The following SDK1 variants were observed in gnomAD, a reference collection of about 807,000 sequenced individuals.
The protein encoded by SDK1 is protein sidekick-1.
Under a neutral mutation model 245.5 loss-of-function variants are expected in SDK1, and 157 were observed. The observed-to-expected ratio is 0.64, with a 90% CI of 0.56 to 0.73. The LOEUF is 0.73. Ranked by LOEUF, SDK1 falls within the 30% of genes least tolerant of loss-of-function variation. The pLI is 0.00. For missense variants in SDK1, 3,583 were observed against 3,002.3 expected, an observed-to-expected ratio of 1.19 and a Z score of -4.52; for synonymous variants, 1,647 against 1,278.5, an observed-to-expected ratio of 1.29 and a Z score of -6.15.
chr7:3,768,513 C>T (rs576124708), intron 4 of SDK1, among the ~76,000 whole-genome samples: 2 of 152,200 alleles, frequency 1.3e-5, no homozygotes, highest in African/African-American at 4.8e-5. Context: ...AGCAGCAGTT[C>T]CTGAGACTGT....
rs143572104 is a variant in SDK1 at position 3,750,484 on chromosome 7, G to C, written c.714-70966G>C. Among the ~76,000 whole-genome samples the C allele has an allele frequency of 2.2e-4, 33 of 152,274 alleles. No individual in the cohort carries two copies. In the East Asian group the frequency reaches 6.2e-3, roughly 28 times the overall value. ...ACTTTATTTAGGACCATTGCAATAG[G>C]TATAGGAACAGCGGGATTTTGCAGT... On this transcript the variant is annotated intron_variant, in intron 4 of 44. Coordinates refer to ENST00000404826, the MANE Select transcript of SDK1 (RefSeq NM_152744.4).
Position 3,637,526 on chromosome 7 carries a change from G to A in SDK1, c.459-1478G>A, listed in dbSNP as rs186233873. Among the ~76,000 whole-genome samples the A allele has an allele frequency of 3.7e-3, 565 of 152,338 alleles. 6 individuals carry two copies. Among genetic ancestry groups the A allele is most frequent in the African/African-American group, 0.013 (528 of 41,580 alleles). On this transcript the variant is annotated intron_variant, in intron 2 of 44. Coordinates refer to ENST00000404826, the MANE Select transcript of SDK1 (RefSeq NM_152744.4). ...GGCAGCTTAGAAGTTGTGGGCTCCG[G>A]AGTTGTAAGACGCATTTCGAGTGGC...
chr7:3,446,000 C>T (rs1390060887), intron 1 of SDK1, among the ~76,000 whole-genome samples: 1 of 151,880 alleles, frequency 6.6e-6, no homozygotes, highest in Non-Finnish European at 1.5e-5. Context: ...TCTTCATTTG[C>T]CAAGGATAAT....
At chr7:3,532,186 C>G (rs1783370201) in intron 1 of SDK1, among the ~76,000 whole-genome samples, 1 of 152,172 alleles carries the variant, frequency 6.6e-6, no homozygotes, top group Non-Finnish European at 1.5e-5. Context: ...TTTCCACCTC[C>G]AGTACCTCTT....
intron 4 of SDK1, among the ~76,000 whole-genome samples, chr7:3,806,904 T>A (rs1168675868): frequency 6.6e-6 from 1 of 152,118 alleles, no homozygotes; most frequent in Non-Finnish European, 1.5e-5. Flanking sequence ...TTACCTAAAT[T>A]TGCTTCCTGC....
chr7:3,321,754 C>CCTCCCTCT (rs1307695978), intron 1 of SDK1, among the ~76,000 whole-genome samples: 2 of 93,128 alleles, frequency 2.1e-5, no homozygotes, highest in African/African-American at 9.0e-5. Flanking sequence ...CCCTCCTTCC[C>CCTCCCTCT]CTCCCTCCCT....
intron 1 of SDK1, among the ~76,000 whole-genome samples, chr7:3,339,556 A>C (rs1780290337): frequency 6.6e-6 from 1 of 152,158 alleles, no homozygotes; most frequent in Non-Finnish European, 1.5e-5. Context: ...AAAGGATTGA[A>C]ATCCTACAGA....
At chr7:4,005,197 C>T (rs1785377235) in intron 14 of SDK1, among the ~76,000 whole-genome samples, 1 of 151,746 alleles carries the variant, frequency 6.6e-6, no homozygotes, top group Non-Finnish European at 1.5e-5. Context: ...AGGTGCATGA[C>T]ACCACGCCTG....
chr7:4,058,738 C>G (rs1779354988), intron 19 of SDK1, among the ~76,000 whole-genome samples: 1 of 152,114 alleles, frequency 6.6e-6, no homozygotes, highest in South Asian at 2.1e-4. Context: ...GCCAAGAGTA[C>G]TATATGCATA....
chr7:3,455,642 A>T (rs1158697907), intron 1 of SDK1, among the ~76,000 whole-genome samples: 2 of 151,152 alleles, frequency 1.3e-5, no homozygotes, highest in African/African-American at 4.9e-5. Flanking sequence ...GATCTGTGTG[A>T]CTCTTCCTCC....
intron 2 of SDK1, among the ~76,000 whole-genome samples, chr7:3,620,447 C>T (rs184687724): frequency 7.2e-5 from 11 of 152,130 alleles, no homozygotes; most frequent in African/African-American, 1.9e-4. Context: ...GTTCTACAGG[C>T]GTGAGCCACC....
rs181509594 is a variant in SDK1 at position 4,197,634 on chromosome 7, G to A, written c.5099-8245G>A. Among the ~76,000 whole-genome samples the A allele has an allele frequency of 4.7e-4, 71 of 152,352 alleles. 1 individual carries two copies. The South Asian group carries it at 0.011, about 24-fold the overall frequency. On this transcript the variant is annotated intron_variant, in intron 35 of 44. Transcript: ENST00000404826. ...CTTCTGTGATGGTGTACAGGGGAGCGGAATGCCTGGTGCTGGCGTCAGGCT... is the reference window on the plus strand; with the variant it reads ...CTTCTGTGATGGTGTACAGGGGAGCAGAATGCCTGGTGCTGGCGTCAGGCT...
intron 5 of SDK1, among the ~76,000 whole-genome samples, chr7:3,856,311 A>G (rs1008474505): frequency 3.9e-5 from 6 of 152,076 alleles, no homozygotes; most frequent in Admixed American, 3.9e-4. Context: ...GATCAAGAAA[A>G]TATATGAAAA....
intron 5 of SDK1, among the ~76,000 whole-genome samples, chr7:3,912,582 A>G (rs1409831750): frequency 1.3e-5 from 2 of 152,156 alleles, no homozygotes; most frequent in Non-Finnish European, 2.9e-5. Flanking sequence ...AGGGAAGCCA[A>G]CCACCCACAA....
intron 17 of SDK1, among the ~76,000 whole-genome samples, chr7:4,018,195 C>T (rs1030055514): frequency 6.6e-6 from 1 of 152,224 alleles, no homozygotes; most frequent in African/African-American, 2.4e-5. Flanking sequence ...ATGCCCTCGC[C>T]TGATTCACAG....
chr7:3,655,479 A>ATATATATATATG (rs1783145388), intron 4 of SDK1, among the ~76,000 whole-genome samples: 1 of 94,348 alleles, frequency 1.1e-5, no homozygotes, highest in African/African-American at 4.0e-5. Context: ...ATATATATAT[A>ATATATATATATG]TATATATATA....
At chr7:3,909,348 C>G (rs775881944) in intron 5 of SDK1, among the ~76,000 whole-genome samples, 2 of 152,236 alleles carry the variant, frequency 1.3e-5, no homozygotes, top group East Asian at 3.8e-4. Flanking sequence ...GACACCCCAT[C>G]TACTGTGCAG....
At chr7:3,792,822 G>A (rs576111166) in intron 4 of SDK1, among the ~76,000 whole-genome samples, 3 of 152,236 alleles carry the variant, frequency 2.0e-5, no homozygotes, top group Non-Finnish European at 4.4e-5. Flanking sequence ...TCACTCTTGA[G>A]CTTGTTGACT....
intron 1 of SDK1, among the ~76,000 whole-genome samples, chr7:3,596,089 T>C (rs1242009717): frequency 6.6e-6 from 1 of 152,038 alleles, no homozygotes; most frequent in African/African-American, 2.4e-5. Context: ...AGATTAATTA[T>C]CCTTTATCTA....
Sources: gnomAD v4.1 joint callset for allele counts (sites outside exome capture counted in the v4.1 genomes callset) on GRCh38, gnomAD v4.1.1 for gene constraint, MANE v1.5 for transcripts, NCBI Gene and HGNC (gene_info 2026-07-23, HGNC 2026-07-21) for gene names.